Variants in PRICKLE2 observed in about 807,000 individuals in gnomAD.
PRICKLE2 encodes prickle planar cell polarity protein 2, also known as prickle-like protein 2.
In PRICKLE2, 21 loss-of-function variants were observed where a neutral mutation model predicts 81.4. That is an observed-to-expected ratio of 0.26 (90% confidence interval 0.18 to 0.37). PRICKLE2 has a LOEUF of 0.37. Ranked by LOEUF, PRICKLE2 falls within the 10% of genes least tolerant of loss-of-function variation. The pLI, the probability that PRICKLE2 is intolerant of heterozygous loss-of-function variation, is 1.00. For missense variants in PRICKLE2, 940 were observed against 1,109.0 expected (o/e 0.85, Z 2.16); for synonymous variants, 456 against 421.5 (o/e 1.08, Z -1.00).
At chr3:64,216,469 G>A (rs566608278) in intron 1 of PRICKLE2, among the ~76,000 whole-genome samples, 3 of 152,224 alleles carry the variant, frequency 2.0e-5, no homozygotes, top group Admixed American at 6.5e-5. Context: ...CAAAGTCAGC[G>A]CCTTACATCT....
At position 64,144,107 on chromosome 3, in the gene PRICKLE2, T is replaced by C. The variant is rs193126867; in HGVS notation, c.1660+2723A>G. On this transcript the variant is annotated intron_variant, in intron 7 of 7. Transcript: ENST00000638394. ...AACTCAGAGCCTCATTTTGTTTGTC[T>C]AGCAGTGTTGAAATAGATTTCATAT... Among the ~76,000 whole-genome samples the C allele has an allele frequency of 7.2e-5, 11 of 152,344 alleles. No homozygotes were observed. In the East Asian group the frequency reaches 1.2e-3, roughly 16 times the overall value.
intron 2 of PRICKLE2, among the ~76,000 whole-genome samples, chr3:64,176,138 ACCT>A (rs2078019045): frequency 6.6e-6 from 1 of 152,106 alleles, no homozygotes; most frequent in South Asian, 2.1e-4. Flanking sequence ...AGAAGTACTA[ACCT>A]CCTATTTATA....
intron 2 of PRICKLE2, among the ~76,000 whole-genome samples, chr3:64,180,357 A>C (rs1025903798): frequency 1.3e-5 from 2 of 152,116 alleles, no homozygotes; most frequent in African/African-American, 4.8e-5. Flanking sequence ...ACCACTTTTC[A>C]GCAGCATTAA....
chr3:64,189,071 T>G (rs956922255), intron 2 of PRICKLE2, among the ~76,000 whole-genome samples: 2 of 152,206 alleles, frequency 1.3e-5, no homozygotes, highest in Non-Finnish European at 2.9e-5. Context: ...GGAAAGTACT[T>G]GCCATATAGT....
chr3:64,199,188 T>C, intron 1 of PRICKLE2: 1 of 606,430 alleles, frequency 1.6e-6, no homozygotes. Flanking sequence ...GGCCACCAGG[T>C]AAGCATGCTA....
chr3:64,199,089 G>A, intron 1 of PRICKLE2, 122 bp from the exon 2 acceptor site: 1 of 855,564 alleles, frequency 1.2e-6, no homozygotes, highest in Non-Finnish European at 1.9e-6. Flanking sequence ...ATGGGCATCG[G>A]GCAAAGGCAT....
chr3:64,232,979 T>C (rs561941721), intron 2 of PRICKLE2, among the ~76,000 whole-genome samples: 244 of 152,340 alleles, frequency 1.6e-3, no homozygotes, highest in Non-Finnish European at 2.1e-3. Context: ...AACACAATCA[T>C]GACCATTCAT....
chr3:64,224,924 A>T lies in PRICKLE2; in HGVS notation c.-55T>A, dbSNP rs1312300798. 2.2e-5 allele frequency: 22 copies of T among 985,210 alleles called. No individual in the cohort carries two copies. Among genetic ancestry groups the T allele is most frequent in the African/African-American group, 3.5e-5 (2 of 57,184 alleles). The allele number at this position is 985,210 out of a possible 1,614,324, so 61.0% of individuals were successfully genotyped here. A position where few individuals can be genotyped will look rare whatever the true frequency, so the allele number is the denominator to read the frequency against. On this transcript the variant is annotated 5_prime_UTR_variant, in exon 1 of 8. Transcript: ENST00000638394. ...TTCTTACCCACCTCCAGGGAGGATG[A>T]AATGCCCAGTCTCGGAGGAAGCTTC... is the stretch of plus-strand genomic sequence containing the variant.
In PRICKLE2 at chr3:64,098,901, A is replaced by G; in HGVS notation, c.*150T>C. 2.5e-6 allele frequency: 2 copies of G among 815,816 alleles called. No individual in the cohort carries two copies. The highest frequency in any genetic ancestry group is 4.1e-6 in the Non-Finnish European group (2 of 483,186). The allele number at this position is 815,816 out of a possible 1,614,324, so 50.5% of individuals were successfully genotyped here. A position where few individuals can be genotyped will look rare whatever the true frequency, so the allele number is the denominator to read the frequency against. ...AGAACTGTGACTACCTATTGAGTCA[A>G]CCTGTAACCTTGCCTCCATCTACTG... On this transcript the variant is annotated 3_prime_UTR_variant, in exon 8 of 8. Transcript: ENST00000638394.
rs189971552 is a variant in PRICKLE2, at chr3:64,258,727, C to G, written c.129-59760G>C. Reference sequence around the variant, plus strand: ...CAGTCCCAGCCACTGGGGAGGCTGACGCAGGAGAATGGCACGAACCCGGGA... The same window carrying G: ...CAGTCCCAGCCACTGGGGAGGCTGAGGCAGGAGAATGGCACGAACCCGGGA... On this transcript the variant is annotated intron_variant, in intron 2 of 8. Coordinates refer to the PRICKLE2 transcript ENST00000295902. 5.5e-3 allele frequency among the ~76,000 whole-genome samples: 805 copies of G among 147,698 alleles called. 3 individuals are homozygous for G. The highest frequency in any genetic ancestry group is 9.5e-3 in the Non-Finnish European group (636 of 67,168).
chr3:64,155,296 T>C (rs2077615633), intron 5 of PRICKLE2, among the ~76,000 whole-genome samples: 1 of 151,756 alleles, frequency 6.6e-6, no homozygotes, highest in Admixed American at 6.6e-5. Context: ...TCAACATTAT[T>C]AGCTGTTGGG....
chr3:64,227,780 C>A (rs183076087), upstream of PRICKLE2, among the ~76,000 whole-genome samples: 1 of 152,168 alleles, frequency 6.6e-6, no homozygotes, highest in African/African-American at 2.4e-5. Flanking sequence ...ACATAGCAAA[C>A]ACTCAATAAG....
chr3:64,218,513 C>A (rs755731422), intron 1 of PRICKLE2, among the ~76,000 whole-genome samples: 1 of 152,198 alleles, frequency 6.6e-6, no homozygotes, highest in East Asian at 1.9e-4. Context: ...GTTATTCAAC[C>A]TCTCTGTGCT....
intron 1 of PRICKLE2, among the ~76,000 whole-genome samples, chr3:64,216,979 C>G (rs760926741): frequency 9.9e-5 from 15 of 152,182 alleles, no homozygotes; most frequent in Admixed American, 6.5e-4. Flanking sequence ...AAGTAATAGA[C>G]TCAGGCAGCG....
Position 64,202,889 on chromosome 3 carries a change from G to A in PRICKLE2, c.-40-3922C>T, listed in dbSNP as rs530351850. 3.9e-5 allele frequency among the ~76,000 whole-genome samples: 6 copies of A among 152,274 alleles called. No homozygotes were observed. The South Asian group carries it at 8.3e-4, about 21-fold the overall frequency. ...CCAGTCTTTCAGCATTAAGTATTAT[G>A]TTAGCCATGAGTTATTTGTACATGC... On this transcript the variant is annotated intron_variant, in intron 1 of 7. Coordinates refer to ENST00000638394, the MANE Select transcript of PRICKLE2 (RefSeq NM_198859.4).
chr3:64,147,581 C>T lies in PRICKLE2; in HGVS notation c.909G>A (p.Gln303=), dbSNP rs1332953474. 3 of 1,614,250 alleles carry T rather than the reference C, an allele frequency of 1.9e-6. No homozygotes were observed. The highest frequency in any genetic ancestry group is 2.5e-6 in the Non-Finnish European group (3 of 1,180,046). The change falls in exon 7 of 8, where the codon CAG becomes CAA. Residue 303 remains glutamine (Q), a synonymous_variant. Transcript: ENST00000638394. This position sits in a 1 kb window ranked among gnomAD's most constrained non-coding sequence, Gnocchi z 5.0. ...LGRPFLPKQG[Q]IFCSRACSAG... ...CACTGCAGGCCCGTGAGCAGAATAT[C>T]TGGCCCTGCTTCGGGAGGAATGGCC...
In PRICKLE2 at chr3:64,246,692, G is replaced by A. The variant is rs2079361420; in HGVS notation, c.129-47725C>T. Among the ~76,000 whole-genome samples, 3 of 152,216 alleles carry A rather than the reference G, an allele frequency of 2.0e-5. No individual in the cohort carries two copies. The South Asian group carries it at 6.2e-4, about 31-fold the overall frequency. On this transcript the variant is annotated intron_variant, in intron 2 of 8. Transcript: ENST00000295902. Reference sequence around the variant, plus strand: ...CTTTCCAGGTGCTGGTAAAACTGATGTTGCTGATATGTGGATCACACTTTG... The same window carrying A: ...CTTTCCAGGTGCTGGTAAAACTGATATTGCTGATATGTGGATCACACTTTG...
chr3:64,243,344 T>G lies in PRICKLE2; in HGVS notation c.129-44377A>C, dbSNP rs568037442. 4.6e-5 allele frequency among the ~76,000 whole-genome samples: 7 copies of G among 152,324 alleles called. No homozygotes were observed. In the South Asian group the frequency reaches 1.4e-3, roughly 32 times the overall value. ...TGTTCAGCAGTACCCATGACCTATA[T>G]CCATGAGATGCCACTGGTCACCCTT... On this transcript the variant is annotated intron_variant, in intron 2 of 8. Transcript: ENST00000295902.
rs1489328063 is a variant in PRICKLE2 at position 64,147,020 on chromosome 3, ACT to A, written c.1468_1469del (p.Ser490PhefsTer3). 1 of 1,613,536 alleles carries A rather than the reference ACT, an allele frequency of 6.2e-7. No individual in the cohort carries two copies. The highest frequency in any genetic ancestry group is 1.7e-5 in the Admixed American group (1 of 59,954). On this transcript the variant is annotated frameshift_variant, in exon 7 of 8. Coordinates refer to ENST00000638394, the MANE Select transcript of PRICKLE2 (RefSeq NM_198859.4). LOFTEE classifies it high-confidence loss of function. This position sits in a 1 kb window ranked among gnomAD's most constrained non-coding sequence, Gnocchi z 5.0. Reference sequence around the variant, plus strand: ...GGATGCTGCCTCGGGTCTCACTGAAACTCTGACTAGACATATCACTGTAGCTC... The same window carrying A: ...GGATGCTGCCTCGGGTCTCACTGAAACTGACTAGACATATCACTGTAGCTC... Reference protein sequence around the residue: ...QESYSDMSSQSFSETRGSIQV... With the variant: ...QESYSDMSSQXFSETRGSIQV...
Sources: allele counts gnomAD v4.1 joint callset (sites outside exome capture counted in the v4.1 genomes callset), GRCh38; gene constraint gnomAD v4.1.1; non-coding constraint Gnocchi (gnomAD v3.1); transcripts MANE v1.5; gene names NCBI Gene and HGNC (gene_info 2026-07-23, HGNC 2026-07-21).